GSTO1: variants seen among roughly 807,000 people sequenced by gnomAD.
GSTO1 encodes the protein glutathione S-transferase omega-1.
In GSTO1, 27 loss-of-function variants were observed where a neutral mutation model predicts 23.8. That is an observed-to-expected ratio of 1.13 (90% CI 0.83 to 1.56). The LOEUF (loss-of-function observed/expected upper bound fraction) is 1.56, where lower values mean the gene tolerates loss of function less well. Ranked by LOEUF, GSTO1 falls within the 40% of genes most tolerant of loss-of-function variation. GSTO1 has a pLI of 0.00. For synonymous variants in GSTO1, 105 were observed against 109.3 expected (o/e 0.96, Z 0.25); for missense variants, 255 against 285.8 (o/e 0.89, Z 0.78).
intron 3 of GSTO1, among the ~76,000 whole-genome samples, chr10:104,260,670 T>A (rs147079059): frequency 6.6e-6 from 1 of 152,358 alleles, no homozygotes; most frequent in African/African-American, 2.4e-5. Flanking sequence ...AAGAATAGCA[T>A]GTCTGGTTAT....
intron 2 of GSTO1, 33 bp downstream of exon 2, chr10:104,255,304 C>T: frequency 4.2e-6 from 6 of 1,424,846 alleles, no homozygotes; most frequent in Non-Finnish European, 5.9e-6. Flanking sequence ...CTCCCCGAGC[C>T]GTCCGGGAGC....
In GSTO1 at chr10:104,267,210, G is replaced by C. The variant is rs752997491; in HGVS notation, c.573-42G>C. ...TGGGAGACTCTGTGATGTCATCCTA[G>C]TTGACCTAGCTCACACCTTTCATTT... On this transcript the variant is annotated intron_variant, in intron 5 of 5. Transcript: ENST00000369713. The C allele has an allele frequency of 2.1e-6, 3 of 1,445,390 alleles. No homozygotes were observed. The East Asian group carries it at 6.9e-5, about 33-fold the overall frequency. 89.5% of individuals were successfully genotyped at this position (1,445,390 alleles called of 1,614,324 possible). A position where few individuals can be genotyped will look rare whatever the true frequency, so the allele number is the denominator to read the frequency against.
intron 2 of GSTO1, among the ~76,000 whole-genome samples, chr10:104,256,418 T>G (rs2091603185): frequency 6.6e-6 from 1 of 152,216 alleles, no homozygotes; most frequent in Non-Finnish European, 1.5e-5. Context: ...AGTCCTGGGT[T>G]ATGTGCTTCA....
rs773581047 is a variant in GSTO1 at position 104,255,290 on chromosome 10, G to A, written c.143+19G>A. On this transcript the variant is annotated intron_variant, in intron 2 of 5. Coordinates refer to ENST00000369713, the MANE Select transcript of GSTO1 (RefSeq NM_004832.3). ...GAATCAGGTGGGCACCCAGGCGGGG[G>A]ACGCTCCCCGAGCCGTCCGGGAGCC... is the stretch of plus-strand genomic sequence containing the variant. The A allele has an allele frequency of 3.9e-6, 6 of 1,539,246 alleles. No homozygotes were observed. The highest frequency in any genetic ancestry group is 1.7e-4 in the Middle Eastern group (1 of 5,930).
At chr10:104,257,722 T>C (rs1028112145) in intron 2 of GSTO1, among the ~76,000 whole-genome samples, 4 of 152,212 alleles carry the variant, frequency 2.6e-5, no homozygotes, top group Admixed American at 6.5e-5. Context: ...ATAAATTGAA[T>C]TTTATGTTGG....
chr10:104,265,445 T>C (rs1007958034), intron 4 of GSTO1, among the ~76,000 whole-genome samples: 1 of 151,672 alleles, frequency 6.6e-6, no homozygotes, highest in Admixed American at 6.5e-5. Context: ...CTATTACAAA[T>C]AGTGCTGCAG....
intron 3 of GSTO1, among the ~76,000 whole-genome samples, chr10:104,262,255 C>T (rs1589845784): frequency 6.6e-6 from 1 of 152,178 alleles, no homozygotes; most frequent in South Asian, 2.1e-4. Flanking sequence ...TACTTTCTGG[C>T]AGCCTCACAA....
intron 3 of GSTO1, among the ~76,000 whole-genome samples, chr10:104,262,184 G>A (rs1299962364): frequency 5.3e-5 from 8 of 152,192 alleles, no homozygotes; most frequent in Non-Finnish European, 8.8e-5. Flanking sequence ...TGGGTTACAA[G>A]ATAAAATTCC....
At chr10:104,259,837 C>G (rs139848145) in intron 3 of GSTO1, 39 bp downstream of exon 3, 2 of 1,416,154 alleles carry the variant, frequency 1.4e-6, no homozygotes, top group East Asian at 2.3e-5. Flanking sequence ...TTTGAAAAAC[C>G]TGTTTTTTAA....
rs1427312417 is a variant in GSTO1 at position 104,267,252 on chromosome 10, G to T, written c.573G>T (p.Glu191Asp). Residue 191 changes from glutamate (E) to aspartate (D), a missense_variant and splice_region_variant, in exon 6 of 6, where the codon GAG becomes GAT. Physicochemically the swap from Glu to Asp is conservative, Grantham distance 45. Transcript: ENST00000369713. Reference protein sequence around the residue: ...FERLEAMKLNECVDHTPKLKL... With the variant: ...FERLEAMKLNDCVDHTPKLKL... Reference sequence around the variant, plus strand: ...CTTTCATTTTTTCCTCTTCCCACAGGTGTGTAGACCACACTCCAAAACTGA... The same window carrying T: ...CTTTCATTTTTTCCTCTTCCCACAGTTGTGTAGACCACACTCCAAAACTGA... 1 of 1,609,396 alleles carries T rather than the reference G, an allele frequency of 6.2e-7. No individual in the cohort carries two copies. Among genetic ancestry groups the T allele is most frequent in the South Asian group, 1.1e-5 (1 of 90,594 alleles).
chr10:104,264,430 GA>G (rs962651459), intron 4 of GSTO1, among the ~76,000 whole-genome samples: 6 of 151,722 alleles, frequency 4.0e-5, no homozygotes, highest in Middle Eastern at 3.2e-3. Context: ...ATTATGCATT[GA>G]AAAAAAACTA....
rs1260244599 is a variant in GSTO1, at chr10:104,266,118, G to A, written c.500G>A (p.Gly167Asp). The A allele has an allele frequency of 1.2e-6, 2 of 1,609,384 alleles. No individual in the cohort carries two copies. The highest frequency in any genetic ancestry group is 1.7e-6 in the Non-Finnish European group (2 of 1,175,888). The change falls in exon 5 of 6, where the codon GGC becomes GAC. Residue 167 changes from glycine (G) to aspartate (D), a missense_variant. Transcript: ENST00000369713. ...AATAAGAAGACGACCTTCTTTGGTG[G>A]CAATTCTATCTCTATGATTGATTAC... Reference protein sequence around the residue: ...LTNKKTTFFGGNSISMIDYLI... With the variant: ...LTNKKTTFFGDNSISMIDYLI...
chr10:104,263,915 A>T (rs563790848), intron 4 of GSTO1, among the ~76,000 whole-genome samples: 16 of 147,030 alleles, frequency 1.1e-4, no homozygotes, highest in Non-Finnish European at 2.1e-4. Flanking sequence ...CTATTGACAA[A>T]TTTTTTTTTT....
intron 5 of GSTO1, among the ~76,000 whole-genome samples, chr10:104,266,756 G>A (rs1440973234): frequency 1.3e-5 from 2 of 151,868 alleles, no homozygotes; most frequent in Non-Finnish European, 2.9e-5. Flanking sequence ...AATTCCATAA[G>A]GTTGTAAATT....
intron 4 of GSTO1, 142 bp downstream of exon 4, chr10:104,263,219 G>A: frequency 1.9e-6 from 1 of 514,088 alleles, no homozygotes; most frequent in Non-Finnish European, 3.5e-6. Context: ...TTTGTTTACA[G>A]CAGACTGCTG....
intron 4 of GSTO1, among the ~76,000 whole-genome samples, chr10:104,265,172 A>G (rs2011169152): frequency 6.6e-6 from 1 of 152,238 alleles, no homozygotes; most frequent in African/African-American, 2.4e-5. Context: ...TAAAAACACA[A>G]CACGTTTTCA....
At chr10:104,256,170 G>A (rs12250833) in intron 2 of GSTO1, among the ~76,000 whole-genome samples, 11,235 of 151,984 alleles carry the variant, frequency 0.074, 1,392 homozygotes, top group African/African-American at 0.26. Context: ...CATTTGAAGG[G>A]GATTTGTCAT....
chr10:104,262,895 G>C, intron 3 of GSTO1, 84 bp from the exon 4 acceptor site: 1 of 660,574 alleles, frequency 1.5e-6, no homozygotes, highest in Non-Finnish European at 2.7e-6. Flanking sequence ...CACCAGGACT[G>C]TAAGGGTTCT....
intron 4 of GSTO1, among the ~76,000 whole-genome samples, chr10:104,264,334 A>G (rs894146702): frequency 1.3e-5 from 2 of 152,114 alleles, no homozygotes; most frequent in African/African-American, 4.8e-5. Flanking sequence ...GGGAGCTGGA[A>G]AGTAAGATGC....
Sources: allele counts gnomAD v4.1 joint callset (sites outside exome capture counted in the v4.1 genomes callset), GRCh38; gene constraint gnomAD v4.1.1; transcripts MANE v1.5; gene names NCBI Gene and HGNC (gene_info 2026-07-23, HGNC 2026-07-21).